Variants in B4GALNT3 observed in about 807,000 individuals in gnomAD.
B4GALNT3 encodes the protein beta-1,4-N-acetyl-galactosaminyltransferase 3.
Under a neutral mutation model 120.2 loss-of-function variants are expected in B4GALNT3, and 86 were observed. The observed-to-expected ratio is 0.72, with a 90% confidence interval of 0.60 to 0.86. B4GALNT3 has a LOEUF of 0.86. Ranked by LOEUF, B4GALNT3 falls within the 40% of genes least tolerant of loss-of-function variation. The pLI is 0.00. For missense variants in B4GALNT3, 1,167 were observed against 1,298.9 expected, an observed-to-expected ratio of 0.90 and a Z score of 1.56; for synonymous variants, 518 against 510.4, an observed-to-expected ratio of 1.01 and a Z score of -0.20.
intron 1 of B4GALNT3, among the ~76,000 whole-genome samples, chr12:511,832 A>C (rs1188534817): frequency 9.4e-5 from 4 of 42,690 alleles, no homozygotes; most frequent in East Asian, 6.0e-4. Flanking sequence ...TCCACCTTCC[A>C]CCTTCTTCCA....
chr12:551,155 G>A lies in B4GALNT3; in HGVS notation c.1107+124G>A, dbSNP rs557288943. On this transcript the variant is annotated intron_variant, in intron 11 of 19. Transcript: ENST00000266383. ...AACATCCCATCCCAGCAGACAGGAC[G>A]TCCTCACAGGTCCCTGGGCTGGGAA... 144 of 794,394 alleles carry A rather than the reference G, an allele frequency of 1.8e-4. 1 individual carries two copies. Among genetic ancestry groups the A allele is most frequent in the Middle Eastern group, 1.5e-3 (6 of 3,906 alleles). The allele number at this position is 794,394 out of a possible 1,614,324, so 49.2% of individuals were successfully genotyped here. A position where few individuals can be genotyped will look rare whatever the true frequency, so the allele number is the denominator to read the frequency against.
intron 1 of B4GALNT3, among the ~76,000 whole-genome samples, chr12:476,446 TAAAG>T (rs1946186202): frequency 6.6e-6 from 1 of 151,882 alleles, no homozygotes; most frequent in Admixed American, 6.6e-5. Context: ...TAAAATAAAA[TAAAG>T]AAAAATTAGC....
At chr12:500,290 T>C (rs1246513777) in intron 1 of B4GALNT3, among the ~76,000 whole-genome samples, 1 of 152,196 alleles carries the variant, frequency 6.6e-6, no homozygotes, top group East Asian at 1.9e-4. Flanking sequence ...ATTACAGGCA[T>C]GAGCCACGCC....
At chr12:560,685 G>A (rs1947219117) in intron 19 of B4GALNT3, among the ~76,000 whole-genome samples, 1 of 152,222 alleles carries the variant, frequency 6.6e-6, no homozygotes, top group Non-Finnish European at 1.5e-5. Context: ...GGGAAGCCGG[G>A]TCCAGCAGTC....
intron 1 of B4GALNT3, among the ~76,000 whole-genome samples, chr12:502,334 T>C (rs1946452057): frequency 6.6e-6 from 1 of 152,146 alleles, no homozygotes; most frequent in Admixed American, 6.5e-5. Flanking sequence ...GCAACTGTCG[T>C]AGTTAAGCGC....
At chr12:474,781 G>A (rs1222255569) in intron 1 of B4GALNT3, among the ~76,000 whole-genome samples, 1 of 151,948 alleles carries the variant, frequency 6.6e-6, no homozygotes, top group East Asian at 1.9e-4. Context: ...GCAACATCGT[G>A]AAACCCTGTC....
intron 1 of B4GALNT3, among the ~76,000 whole-genome samples, chr12:507,203 A>G (rs552236310): frequency 6.6e-6 from 1 of 152,260 alleles, no homozygotes; most frequent in South Asian, 2.1e-4. Context: ...CTAAGTTCCT[A>G]CTGGCCATGA....
At chr12:536,574 C>A (rs1946862766) in intron 3 of B4GALNT3, among the ~76,000 whole-genome samples, 2 of 152,180 alleles carry the variant, frequency 1.3e-5, no homozygotes, top group South Asian at 4.1e-4. Flanking sequence ...TCTCAAACTT[C>A]TGGGCTCAAG....
At chr12:547,980 C>A (rs369168214) in intron 7 of B4GALNT3, 44 bp from the exon 8 acceptor site, 5 of 1,554,290 alleles carry the variant, frequency 3.2e-6, no homozygotes, top group African/African-American at 1.4e-5. Context: ...GACCCCAGGG[C>A]CCATGGAGAT....
At chr12:555,276 A>G (rs1466680512) in intron 14 of B4GALNT3, 1 of 450,014 alleles carries the variant, frequency 2.2e-6, no homozygotes, top group South Asian at 1.6e-5. Flanking sequence ...GGCAATAACT[A>G]CTTTCCTTTC....
intron 1 of B4GALNT3, among the ~76,000 whole-genome samples, chr12:467,931 C>T (rs1178575224): frequency 1.3e-5 from 2 of 152,208 alleles, no homozygotes; most frequent in African/African-American, 2.4e-5. Context: ...AGATTTCTCT[C>T]GTCGTGTTGG....
intron 19 of B4GALNT3, among the ~76,000 whole-genome samples, chr12:560,201 A>C (rs1176923029): frequency 2.6e-5 from 4 of 152,208 alleles, no homozygotes; most frequent in Non-Finnish European, 5.9e-5. Flanking sequence ...GGTACCCTTC[A>C]GAAGGGCATA....
At chr12:512,973 A>ACCTTCCACCTTCCACTTTCCC (rs1946610258) in intron 1 of B4GALNT3, among the ~76,000 whole-genome samples, 1 of 85,840 alleles carries the variant, frequency 1.2e-5, no homozygotes, top group South Asian at 4.0e-4. Context: ...TCCACTTTCC[A>ACCTTCCACCTTCCACTTTCCC]CCTTCCACCT....
chr12:491,099 C>G (rs1248587271), intron 1 of B4GALNT3, among the ~76,000 whole-genome samples: 2 of 152,142 alleles, frequency 1.3e-5, no homozygotes, highest in Non-Finnish European at 2.9e-5. Context: ...AGATTAATAT[C>G]TCTTATGAAC....
chr12:468,035 T>C (rs1315651955), intron 1 of B4GALNT3, among the ~76,000 whole-genome samples: 1 of 152,222 alleles, frequency 6.6e-6, no homozygotes, highest in Non-Finnish European at 1.5e-5. Context: ...TTTATGACTG[T>C]ACCTTTATTT....
chr12:536,613 G>A (rs1946863240), intron 3 of B4GALNT3, among the ~76,000 whole-genome samples: 1 of 152,162 alleles, frequency 6.6e-6, no homozygotes, highest in African/African-American at 2.4e-5. Context: ...CTCCTGACTA[G>A]CTGGGATTAC....
chr12:477,680 A>G (rs1946197485), intron 1 of B4GALNT3, among the ~76,000 whole-genome samples: 1 of 152,196 alleles, frequency 6.6e-6, no homozygotes, highest in South Asian at 2.1e-4. Flanking sequence ...GAATAGATGA[A>G]GTTGATTTTA....
intron 1 of B4GALNT3, among the ~76,000 whole-genome samples, chr12:518,460 C>T (rs1946677034): frequency 6.6e-6 from 1 of 152,216 alleles, no homozygotes; most frequent in East Asian, 1.9e-4. Flanking sequence ...GTTCCCCAGG[C>T]TGGAGTGCAG....
intron 1 of B4GALNT3, among the ~76,000 whole-genome samples, chr12:515,246 C>T (rs143233486): frequency 0.021 from 3,138 of 152,182 alleles, 114 homozygotes; most frequent in African/African-American, 0.07. Context: ...AGTGCAGTGG[C>T]GCAATCTTGG....
Sources: allele counts gnomAD v4.1 joint callset (sites outside exome capture counted in the v4.1 genomes callset), GRCh38; gene constraint gnomAD v4.1.1; transcripts MANE v1.5; gene names NCBI Gene and HGNC (gene_info 2026-07-23, HGNC 2026-07-21).